IPPK: variants seen among roughly 807,000 people sequenced by gnomAD.
IPPK encodes IPK1 homolog.
In IPPK, 22 loss-of-function variants were observed where a neutral mutation model predicts 64.6. The observed-to-expected ratio is 0.34, with a 90% CI of 0.24 to 0.49. IPPK has a LOEUF of 0.49. IPPK is among the 20% of genes least tolerant of loss of function. The pLI, the probability that IPPK is intolerant of heterozygous loss-of-function variation, is 0.99. For synonymous variants in IPPK, 262 were observed against 247.2 expected, an observed-to-expected ratio of 1.06 and a Z score of -0.56; for missense variants, 532 against 630.7, an observed-to-expected ratio of 0.84 and a Z score of 1.68.
intron 7 of IPPK, 82 bp downstream of exon 7, chr9:92,642,670 A>G: frequency 6.8e-5 from 56 of 825,970 alleles, no homozygotes; most frequent in Non-Finnish European, 1.0e-4. Context: ...CTCACGAAAT[A>G]CCCCCCACCA....
chr9:92,631,139 T>C (rs935646166), intron 11 of IPPK, among the ~76,000 whole-genome samples: 2 of 151,762 alleles, frequency 1.3e-5, no homozygotes, highest in African/African-American at 4.8e-5. Flanking sequence ...TTCAGTCTCC[T>C]GAGCACTGAA....
chr9:92,665,264 C>T (rs564228311), intron 1 of IPPK, among the ~76,000 whole-genome samples: 1 of 152,242 alleles, frequency 6.6e-6, no homozygotes, highest in South Asian at 2.1e-4. Flanking sequence ...TAAAAGGGAG[C>T]GACCAAGGGC....
intron 11 of IPPK, among the ~76,000 whole-genome samples, chr9:92,627,986 C>T (rs1851765474): frequency 6.6e-6 from 1 of 152,146 alleles, no homozygotes; most frequent in African/African-American, 2.4e-5. Flanking sequence ...ACAAACTCGG[C>T]AACGATGCAG....
At chr9:92,626,830 C>A (rs910770030) in intron 11 of IPPK, among the ~76,000 whole-genome samples, 1 of 151,554 alleles carries the variant, frequency 6.6e-6, no homozygotes, top group African/African-American at 2.4e-5. Context: ...AGAGAAAAGA[C>A]AGATCACCTA....
At chr9:92,636,349 T>C (rs1200703047) in intron 9 of IPPK, among the ~76,000 whole-genome samples, 5 of 152,158 alleles carry the variant, frequency 3.3e-5, no homozygotes, top group Non-Finnish European at 7.3e-5. Flanking sequence ...ACAAAATGCA[T>C]GTGATCTCCA....
intron 12 of IPPK, chr9:92,618,628 A>G (rs1368220380): frequency 4.4e-6 from 2 of 452,704 alleles, no homozygotes; most frequent in Non-Finnish European, 8.9e-6. Context: ...CCCTGTAGGT[A>G]TTTCCTTAGG....
In IPPK at chr9:92,632,249, G is replaced by A. The variant is rs969893373; in HGVS notation, c.1170+2137C>T. On this transcript the variant is annotated intron_variant, in intron 11 of 12. Transcript: ENST00000287996. ...CTGGGATAAATGCCCAGGAGCACAA[G>A]TACAGGGTAATTGCGTGTTTAGTGT... Among the ~76,000 whole-genome samples, 5 of 152,328 alleles carry A rather than the reference G, an allele frequency of 3.3e-5. No individual in the cohort carries two copies. The East Asian group carries it at 9.6e-4, about 29-fold the overall frequency.
chr9:92,628,857 G>T (rs1587623253), intron 11 of IPPK, among the ~76,000 whole-genome samples: 1 of 151,976 alleles, frequency 6.6e-6, no homozygotes, highest in South Asian at 2.1e-4. Context: ...TCCATCCTGG[G>T]TGACAGAGTG....
intron 2 of IPPK, among the ~76,000 whole-genome samples, chr9:92,656,964 T>TA (rs1852385225): frequency 6.6e-6 from 1 of 152,212 alleles, no homozygotes; most frequent in Non-Finnish European, 1.5e-5. Flanking sequence ...CAGAGGTTCT[T>TA]AAAGAGTCAG....
intron 1 of IPPK, among the ~76,000 whole-genome samples, chr9:92,664,183 G>A (rs1459771616): frequency 2.6e-5 from 4 of 152,252 alleles, no homozygotes; most frequent in Admixed American, 6.5e-5. Context: ...TCCAGGATGC[G>A]TAGGACCGTG....
intron 2 of IPPK, 30 bp from the exon 3 acceptor site, chr9:92,656,581 G>A (rs768553352): frequency 8.2e-5 from 116 of 1,422,212 alleles, no homozygotes; most frequent in Middle Eastern, 5.3e-4. Context: ...GACAGCCTTC[G>A]TGATGGGACC....
At chr9:92,659,503 T>C (rs930838654) in intron 1 of IPPK, among the ~76,000 whole-genome samples, 1 of 152,210 alleles carries the variant, frequency 6.6e-6, no homozygotes, top group Non-Finnish European at 1.5e-5. Flanking sequence ...TTATTTTGAA[T>C]ATTTCAATTT....
intron 11 of IPPK, among the ~76,000 whole-genome samples, chr9:92,625,432 T>C (rs1000846327): frequency 2.5e-4 from 38 of 152,172 alleles, no homozygotes; most frequent in African/African-American, 8.9e-4. Context: ...TACAAAAATG[T>C]GAATGTCAAC....
At chr9:92,652,505 C>A in intron 4 of IPPK, 68 bp downstream of exon 4, 9 of 689,492 alleles carry the variant, frequency 1.3e-5, no homozygotes, top group Non-Finnish European at 1.9e-5. Flanking sequence ...CATGGGTAAT[C>A]ATTTCAAACA....
rs374025399 is a variant in IPPK at position 92,644,327 on chromosome 9, C to G, written c.505-1517G>C. On this transcript the variant is annotated intron_variant, in intron 6 of 12. Transcript: ENST00000287996. ...GGCACTTTAAATGCCCTATTCCCAT[C>G]CCTGTATCTCTAGCTCCAAGGTTCA... is the stretch of plus-strand genomic sequence containing the variant. Among the ~76,000 whole-genome samples the G allele has an allele frequency of 1.6e-3, 238 of 152,312 alleles. 2 individuals carry two copies. Among genetic ancestry groups the G allele is most frequent in the Admixed American group, 7.2e-3 (110 of 15,298 alleles).
intron 3 of IPPK, among the ~76,000 whole-genome samples, chr9:92,655,599 T>C (rs1233473008): frequency 6.6e-6 from 1 of 152,094 alleles, no homozygotes. Flanking sequence ...TCGAGTCTAA[T>C]CCCATGCCCC....
At chr9:92,618,159 G>A (rs1851502526) in intron 12 of IPPK, 3 of 448,454 alleles carry the variant, frequency 6.7e-6, no homozygotes. Flanking sequence ...CACACGCCAT[G>A]TTCTCGGAGG....
Position 92,649,437 on chromosome 9 carries a change from C to T in IPPK, c.414+16G>A. The T allele has an allele frequency of 6.2e-7, 1 of 1,613,764 alleles. No individual in the cohort carries two copies. The highest frequency in any genetic ancestry group is 8.5e-7 in the Non-Finnish European group (1 of 1,179,804). ...CTTTCCCCTTTACCCACACCATCTG[C>T]CCCTCGACAGGTCACCTTAATCTCT... On this transcript the variant is annotated intron_variant, in intron 5 of 12. Transcript: ENST00000287996.
chr9:92,647,901 A>G (rs781379952), intron 6 of IPPK, among the ~76,000 whole-genome samples, 158 bp downstream of exon 6: 11 of 152,140 alleles, frequency 7.2e-5, no homozygotes, highest in Non-Finnish European at 1.6e-4. Flanking sequence ...TAAATTTAAA[A>G]AATAAAAAAG....
Sources: allele counts gnomAD v4.1 joint callset (sites outside exome capture counted in the v4.1 genomes callset), GRCh38; gene constraint gnomAD v4.1.1; transcripts MANE v1.5; gene names NCBI Gene and HGNC (gene_info 2026-07-23, HGNC 2026-07-21).